The following TLL2 variants were observed in gnomAD, a reference collection of about 807,000 sequenced individuals.
The protein encoded by TLL2 is tolloid-like protein 2.
TLL2 carries 106 observed loss-of-function variants against 123.0 expected under a neutral mutation model. The ratio of observed to expected loss-of-function variants is 0.86; its 90% confidence interval spans 0.74 to 1.01. TLL2 has a LOEUF of 1.01. Ranked by LOEUF, TLL2 falls within the 50% of genes least tolerant of loss-of-function variation. TLL2 has a pLI of 0.00. For missense variants in TLL2, 1,332 were observed against 1,336.7 expected (o/e 1.00, Z 0.06); for synonymous variants, 494 against 516.8 (o/e 0.96, Z 0.60).
At position 96,370,103 on chromosome 10, in the gene TLL2, T is replaced by A. The variant is rs376929999; in HGVS notation, c.2875A>T (p.Ser959Cys). Reference protein sequence around the residue: ...DYMEAYDGYDSSAPRLGRFCG... With the variant: ...DYMEAYDGYDCSAPRLGRFCG... ...AAGCGGCCGAGCCTGGGCGCTGAGC[T>A]GTCGTAGCCGTCGTAGGCTTCCATG... The change falls in exon 20 of 21, where the codon AGC (serine) becomes TGC (cysteine). Residue 959 changes from serine to cysteine, a missense_variant. Physicochemically the swap from Ser to Cys is moderately radical, Grantham distance 112. Coordinates refer to ENST00000357947, the MANE Select transcript of TLL2 (RefSeq NM_012465.4). 4 of 1,611,058 alleles carry A rather than the reference T, an allele frequency of 2.5e-6. No homozygotes were observed. The African/African-American group carries it at 5.3e-5, about 22-fold the overall frequency.
intron 3 of TLL2, among the ~76,000 whole-genome samples, chr10:96,433,583 A>G (rs1846765669): frequency 6.6e-6 from 1 of 152,184 alleles, no homozygotes; most frequent in African/African-American, 2.4e-5. Context: ...TAGGTGGAAT[A>G]GAACGCTGAA....
chr10:96,435,471 A>C (rs1446376436), intron 3 of TLL2, among the ~76,000 whole-genome samples: 1 of 152,160 alleles, frequency 6.6e-6, no homozygotes, highest in African/African-American at 2.4e-5. Flanking sequence ...AATGAAGTCC[A>C]ATTTATCTAT....
rs191182085 is a variant in TLL2, at chr10:96,419,116, T to C, written c.923+1840A>G. ...GCCTCCCCCTTGGATATTTGCACAC[T>C]GCACTGGCGTCCTGAGATTCCCTGC... On this transcript the variant is annotated intron_variant, in intron 7 of 20. Transcript: ENST00000357947. Among the ~76,000 whole-genome samples, 17 of 152,246 alleles carry C rather than the reference T, an allele frequency of 1.1e-4. No individual in the cohort carries two copies. In the East Asian group the frequency reaches 3.1e-3, roughly 28 times the overall value.
rs1323724998 is a variant in TLL2, at chr10:96,408,165, A to C, written c.1164+2194T>G. ...ACACCTGTAAGCTGGTTGCACAATA[A>C]TTCTTTAGCCTTTGCTTTTTTAAAA... On this transcript the variant is annotated intron_variant, in intron 9 of 20. Coordinates refer to ENST00000357947, the MANE Select transcript of TLL2 (RefSeq NM_012465.4). Among the ~76,000 whole-genome samples, 4 of 152,206 alleles carry C rather than the reference A, an allele frequency of 2.6e-5. No homozygotes were observed. In the East Asian group the frequency reaches 7.7e-4, roughly 29 times the overall value.
intron 3 of TLL2, among the ~76,000 whole-genome samples, chr10:96,436,517 T>C (rs1846796300): frequency 6.6e-6 from 1 of 152,240 alleles, no homozygotes; most frequent in Non-Finnish European, 1.5e-5. Context: ...TGTCATTTTC[T>C]CTATCCTTAA....
Position 96,422,624 on chromosome 10 carries a change from C to T in TLL2, c.742G>A (p.Val248Ile), listed in dbSNP as rs1320315663. Residue 248 changes from valine to isoleucine, a missense_variant, in exon 6 of 21, where the codon GTT becomes ATT. By Grantham distance (29) the Val-to-Ile change is conservative. Transcript: ENST00000357947. Reference sequence around the variant, plus strand: ...CGGGTGTGTTCATGCCAAAACCCAACCACATGGCCCAGCTCGTGAGCCACA... The same window carrying T: ...CGGGTGTGTTCATGCCAAAACCCAATCACATGGCCCAGCTCGTGAGCCACA... ...GIVAHELGHVVGFWHEHTRPD... is the reference protein window; with the variant it reads ...GIVAHELGHVIGFWHEHTRPD... 6.2e-7 allele frequency: 1 copy of T among 1,614,184 alleles called. No homozygotes were observed. Among genetic ancestry groups the T allele is most frequent in the Admixed American group, 1.7e-5 (1 of 60,018 alleles).
intron 2 of TLL2, among the ~76,000 whole-genome samples, chr10:96,453,096 G>A (rs1846977162): frequency 6.6e-6 from 1 of 152,218 alleles, no homozygotes; most frequent in Non-Finnish European, 1.5e-5. Context: ...CACTCCTGGT[G>A]AAGGAGGACT....
At chr10:96,461,107 A>G (rs1376343964) in intron 2 of TLL2, among the ~76,000 whole-genome samples, 1 of 152,202 alleles carries the variant, frequency 6.6e-6, no homozygotes, top group Non-Finnish European at 1.5e-5. Context: ...ACAAGATACC[A>G]CTTTCCAGCT....
intron 3 of TLL2, among the ~76,000 whole-genome samples, chr10:96,434,151 G>A (rs577396199): frequency 1.3e-5 from 2 of 152,032 alleles, no homozygotes; most frequent in East Asian, 3.9e-4. Flanking sequence ...GTTTTATCCT[G>A]ACATTTCCTT....
chr10:96,418,301 C>A (rs1314762086), intron 7 of TLL2, among the ~76,000 whole-genome samples: 3 of 152,210 alleles, frequency 2.0e-5, no homozygotes, highest in African/African-American at 7.2e-5. Flanking sequence ...CCTGTCCTGG[C>A]CTCTGGCTCC....
At chr10:96,397,153 G>A in intron 11 of TLL2, 33 bp downstream of exon 11, 7 of 1,571,974 alleles carry the variant, frequency 4.5e-6, no homozygotes, top group South Asian at 2.3e-5. Context: ...CTTATGAGGG[G>A]CCACCGAGCA....
At chr10:96,497,697 C>T (rs1589437064) in intron 1 of TLL2, among the ~76,000 whole-genome samples, 2 of 152,336 alleles carry the variant, frequency 1.3e-5, no homozygotes, top group South Asian at 2.1e-4. Context: ...CTCTGTGTGT[C>T]TCACCTCTCC....
intron 10 of TLL2, among the ~76,000 whole-genome samples, chr10:96,397,618 GA>G (rs1230300635): frequency 2.0e-5 from 3 of 152,252 alleles, no homozygotes; most frequent in South Asian, 2.1e-4. Context: ...GGCAGGGGAA[GA>G]ATGGTGAGAG....
At chr10:96,428,782 A>T in intron 4 of TLL2, 34 bp from the exon 5 acceptor site, 1 of 1,356,440 alleles carries the variant, frequency 7.4e-7, no homozygotes, top group Non-Finnish European at 1.0e-6. Context: ...GACTTCAATG[A>T]TGGGTCCATA....
chr10:96,468,045 T>A (rs1030715197), intron 2 of TLL2, among the ~76,000 whole-genome samples: 3 of 152,138 alleles, frequency 2.0e-5, no homozygotes, highest in African/African-American at 7.2e-5. Flanking sequence ...TAAAGCCAGG[T>A]GAACTCAAAA....
intron 10 of TLL2, among the ~76,000 whole-genome samples, chr10:96,399,976 C>G (rs1846378149): frequency 6.6e-6 from 1 of 152,210 alleles, no homozygotes; most frequent in Non-Finnish European, 1.5e-5. Flanking sequence ...CTTGGCAAAA[C>G]TAGACTTCGT....
intron 10 of TLL2, 138 bp from the exon 11 acceptor site, chr10:96,397,440 GCA>G (rs1846352950): frequency 1.8e-6 from 1 of 563,190 alleles, no homozygotes; most frequent in African/African-American, 1.9e-5. Flanking sequence ...TTATCCTGTA[GCA>G]CACACAGGAT....
intron 17 of TLL2, 79 bp downstream of exon 17, chr10:96,378,886 TTA>T: frequency 6.4e-7 from 1 of 1,572,614 alleles, no homozygotes; most frequent in South Asian, 1.1e-5. Context: ...CCGCACCTCC[TTA>T]CTCATGCACA....
intron 7 of TLL2, among the ~76,000 whole-genome samples, chr10:96,414,293 A>G (rs1269752319): frequency 3.3e-5 from 5 of 151,976 alleles, no homozygotes; most frequent in African/African-American, 1.2e-4. Context: ...CCAAGTTTCT[A>G]TAAAGTATTG....
Sources: gnomAD v4.1 joint callset for allele counts (sites outside exome capture counted in the v4.1 genomes callset) on GRCh38, gnomAD v4.1.1 for gene constraint, MANE v1.5 for transcripts, NCBI Gene and HGNC (gene_info 2026-07-23, HGNC 2026-07-21) for gene names.